NHP2: variants seen among roughly 807,000 people sequenced by gnomAD.
NHP2 encodes NHP2 ribonucleoprotein, also known as H/ACA ribonucleoprotein complex subunit 2.
Under a neutral mutation model 16.7 loss-of-function variants are expected in NHP2, and 10 were observed. The ratio of observed to expected loss-of-function variants is 0.60; its 90% CI spans 0.37 to 1.01. NHP2 has a LOEUF of 1.01. Among genes scored for constraint, NHP2 ranks in the 50% least tolerant of loss-of-function variants. The pLI is 0.01. For synonymous variants in NHP2, 87 were observed against 78.9 expected, an observed-to-expected ratio of 1.10 and a Z score of -0.54; for missense variants, 184 against 198.3, an observed-to-expected ratio of 0.93 and a Z score of 0.43.
At position 178,153,767 on chromosome 5, in the gene NHP2, C is replaced by A; in HGVS notation, c.51G>T (p.Ala17=). 6.2e-7 allele frequency: 1 copy of A among 1,612,754 alleles called. No individual in the cohort carries two copies. The highest frequency in any genetic ancestry group is 8.5e-7 in the Non-Finnish European group (1 of 1,179,366). The change falls in exon 1 of 4, where the codon GCG becomes GCT. Residue 17 remains alanine, a synonymous_variant. Transcript: ENST00000274606. The part of the protein sequence containing the change: ...DPDGPEAQAE[A]CSGERTYQEL... ...CCTGGTAGGTGCGCTCCCCGGAACA[C>A]GCCTCCGCCTGAGCCTCGGGCCCGT...
chr5:178,152,691 G>A (rs530713146), intron 2 of NHP2, among the ~76,000 whole-genome samples: 2 of 152,110 alleles, frequency 1.3e-5, no homozygotes, highest in South Asian at 4.1e-4. Context: ...TTTCCTTCAT[G>A]GCTATCTATC....
intron 1 of NHP2, 38 bp from the exon 2 acceptor site, chr5:178,153,598 GCCACCCGCGCACCCATC>G (rs755303285): frequency 9.0e-5 from 146 of 1,613,820 alleles, no homozygotes; most frequent in Middle Eastern, 8.2e-4. Context: ...GCCTCGCTCA[GCCACCCGCGCACCCATC>G]CCACCCGCGC....
At position 178,149,683 on chromosome 5, in the gene NHP2, C is replaced by T. The variant is rs766666396; in HGVS notation, c.*30G>A. On this transcript the variant is annotated 3_prime_UTR_variant, in exon 4 of 4. Coordinates refer to ENST00000274606, the MANE Select transcript of NHP2 (RefSeq NM_017838.4). ...CTGCTGCCAGCCCAATAGCTTCCAG[C>T]GGCAGGTGCCCAGGTGCTACCGGAG... 4.1e-5 allele frequency: 66 copies of T among 1,611,322 alleles called. No individual in the cohort carries two copies. The highest frequency in any genetic ancestry group is 3.0e-4 in the Admixed American group (18 of 59,950).
chr5:178,150,859 G>T, intron 3 of NHP2, 29 bp downstream of exon 3: 2 of 1,438,404 alleles, frequency 1.4e-6, no homozygotes, highest in Non-Finnish European at 9.8e-7. Flanking sequence ...CCAGTGCTGA[G>T]CAAGGTCAGG....
intron 2 of NHP2, among the ~76,000 whole-genome samples, chr5:178,152,305 T>G (rs954716766): frequency 6.6e-6 from 1 of 152,260 alleles, no homozygotes; most frequent in South Asian, 2.1e-4. Flanking sequence ...CCTAAGAAGG[T>G]AGCACTTCTG....
intron 2 of NHP2, chr5:178,153,248 G>C: frequency 1.9e-5 from 11 of 584,898 alleles, no homozygotes; most frequent in Non-Finnish European, 3.4e-5. Flanking sequence ...TAATGAAGGT[G>C]GGTTTACTCT....
Position 178,153,753 on chromosome 5 carries a change from C to T in NHP2, c.65G>A (p.Arg22His). The change falls in exon 1 of 4, where the codon CGC becomes CAC. Residue 22 changes from arginine (R) to histidine (H), a missense_variant. Physicochemically the swap from Arg to His is conservative, Grantham distance 29 (BLOSUM62 0). Coordinates refer to ENST00000274606, the MANE Select transcript of NHP2 (RefSeq NM_017838.4). ...GTTGACCAGCAGCTCCTGGTAGGTG[C>T]GCTCCCCGGAACACGCCTCCGCCTG... ...EAQAEACSGE[R>H]TYQELLVNQN... 9 of 1,613,182 alleles carry T rather than the reference C, an allele frequency of 5.6e-6. No homozygotes were observed. The highest frequency in any genetic ancestry group is 7.6e-6 in the Non-Finnish European group (9 of 1,179,588).
Position 178,150,896 on chromosome 5 carries a change from A to G in NHP2, c.328T>C (p.Ser110Pro). Residue 110 changes from serine (S) to proline (P), a missense_variant, in exon 3 of 4, where the codon TCT becomes CCT. By Grantham distance (74) the Ser-to-Pro change is moderately conservative (BLOSUM62 -1). Transcript: ENST00000274606. ...DRNLPYVYIP[S>P]KTDLGAAAGS... is the part of the protein sequence containing the mutation. Reference sequence around the variant, plus strand: ...GGCCACGTGCTCCTTACCGTCTTAGAGGGGATATAGACATAGGGCAAATTT... The same window carrying G: ...GGCCACGTGCTCCTTACCGTCTTAGGGGGGATATAGACATAGGGCAAATTT... 6.2e-7 allele frequency: 1 copy of G among 1,610,800 alleles called. No individual in the cohort carries two copies. Among genetic ancestry groups the G allele is most frequent in the South Asian group, 1.1e-5 (1 of 91,006 alleles).
At chr5:178,152,660 G>A (rs553168690) in intron 2 of NHP2, among the ~76,000 whole-genome samples, 1 of 152,326 alleles carries the variant, frequency 6.6e-6, no homozygotes, top group South Asian at 2.1e-4. Context: ...GGGTGATGAA[G>A]TTATCATTGC....
rs188272674 is a variant in NHP2 at position 178,150,872 on chromosome 5, G to C, written c.336+16C>G. 25 of 1,538,198 alleles carry C rather than the reference G, an allele frequency of 1.6e-5. No individual in the cohort carries two copies. The highest frequency in any genetic ancestry group is 2.3e-5 in the Non-Finnish European group (25 of 1,110,868). ...CCCCAGTGCTGAGCAAGGTCAGGGG[G>C]CCACGTGCTCCTTACCGTCTTAGAG... On this transcript the variant is annotated intron_variant, in intron 3 of 3. Transcript: ENST00000274606.
At position 178,153,559 on chromosome 5, in the gene NHP2, C is replaced by T; in HGVS notation, c.162G>A (p.Ala54=). Residue 54 remains alanine (A), a splice_region_variant and synonymous_variant, in exon 2 of 4, where the codon GCG becomes GCA. Transcript: ENST00000274606. ...TRKLYKCIKK[A]VKQKQIRRGV... ...CGCGCCGAATCTGCTTCTGCTTCAC[C>T]GCTGCAACGACAGAAGAGTCGGTCG... 1.2e-6 allele frequency: 2 copies of T among 1,614,206 alleles called. No individual in the cohort carries two copies. Among genetic ancestry groups the T allele is most frequent in the Non-Finnish European group, 1.7e-6 (2 of 1,180,030 alleles).
intron 2 of NHP2, chr5:178,153,206 G>A: frequency 2.0e-6 from 1 of 503,568 alleles, no homozygotes; most frequent in Non-Finnish European, 3.6e-6. Context: ...TCTGAGGCAA[G>A]GAGCGGAGCC....
intron 2 of NHP2, among the ~76,000 whole-genome samples, chr5:178,151,720 C>T (rs984736835): frequency 1.4e-4 from 22 of 152,208 alleles, no homozygotes; most frequent in African/African-American, 5.3e-4. Context: ...CTCTCAGGAC[C>T]TTCTTCCTGG....
At chr5:178,149,989 A>G in intron 3 of NHP2, 151 bp from the exon 4 acceptor site, 1 of 820,350 alleles carries the variant, frequency 1.2e-6, no homozygotes, top group Non-Finnish European at 1.9e-6. Context: ...ATTGGTTGCC[A>G]TCATTTAAAC....
In NHP2 at chr5:178,153,878, C is replaced by A. The variant is rs372071127; in HGVS notation, c.-61G>T. 63 of 1,543,720 alleles carry A rather than the reference C, an allele frequency of 4.1e-5. 1 individual carries two copies. The East Asian group carries it at 5.0e-4, about 12-fold the overall frequency. On this transcript the variant is annotated 5_prime_UTR_variant, in exon 1 of 4. An upstream start codon of the reference 5' UTR is lost. Coordinates refer to ENST00000274606, the MANE Select transcript of NHP2 (RefSeq NM_017838.4). Reference sequence around the variant, plus strand: ...AGCCCACGCGGTCCACAGCTTTAGGCATCACTTCCAGGTCATCAGCTGCGC... The same window carrying A: ...AGCCCACGCGGTCCACAGCTTTAGGAATCACTTCCAGGTCATCAGCTGCGC...
At position 178,149,812 on chromosome 5, in the gene NHP2, CTT is replaced by C; in HGVS notation, c.361_362del (p.Lys121AlafsTer12). 1 of 1,613,820 alleles carries C rather than the reference CTT, an allele frequency of 6.2e-7. No individual in the cohort carries two copies. Among genetic ancestry groups the C allele is most frequent in the Non-Finnish European group, 8.5e-7 (1 of 1,179,814 alleles). On this transcript the variant is annotated frameshift_variant, in exon 4 of 4. Transcript: ENST00000274606. LOFTEE classifies it high-confidence loss of function. ...TGACCATTATCACACAGGTGGGGCGCTTGGAGCCTGCGGCTGCACCCAGGTCC... is the reference window on the plus strand; with the variant it reads ...TGACCATTATCACACAGGTGGGGCGCGGAGCCTGCGGCTGCACCCAGGTCC... ...KTDLGAAAGS[K>X]RPTCVIMVKP...
intron 3 of NHP2, chr5:178,150,634 T>G (rs1003584899): frequency 1.5e-6 from 1 of 649,476 alleles, no homozygotes; most frequent in Non-Finnish European, 2.9e-6. Context: ...CCTCCTGTCT[T>G]GGCCTCCCAA....
At position 178,153,719 on chromosome 5, in the gene NHP2, G is replaced by A; in HGVS notation, c.99C>T (p.Pro33=). Residue 33 remains proline, a synonymous_variant, in exon 1 of 4, where the codon CCC becomes CCT. Coordinates refer to ENST00000274606, the MANE Select transcript of NHP2 (RefSeq NM_017838.4). ...GGCGAGAAGCCAGGGGCTGCGCGAT[G>A]GGGTTCTGGTTGACCAGCAGCTCCT... ...TYQELLVNQN[P]IAQPLASRRL... is the part of the protein sequence containing the mutation. 1.9e-6 allele frequency: 3 copies of A among 1,614,022 alleles called. No individual in the cohort carries two copies. Among genetic ancestry groups the A allele is most frequent in the Non-Finnish European group, 2.5e-6 (3 of 1,179,958 alleles).
intron 3 of NHP2, chr5:178,150,454 C>T: frequency 2.8e-6 from 1 of 351,382 alleles, no homozygotes; most frequent in South Asian, 2.2e-5. Flanking sequence ...GATCATGGCT[C>T]ACTGCAGCCT....
Sources: allele counts gnomAD v4.1 joint callset (sites outside exome capture counted in the v4.1 genomes callset), GRCh38; gene constraint gnomAD v4.1.1; transcripts MANE v1.5; gene names NCBI Gene and HGNC (gene_info 2026-07-23, HGNC 2026-07-21).